RPS6KC1: variants seen among roughly 807,000 people sequenced by gnomAD.
RPS6KC1 encodes ribosomal protein S6 kinase C1, also known as inactive ribosomal protein S6 kinase delta-1.
In RPS6KC1, 54 loss-of-function variants were observed where a neutral mutation model predicts 103.8. The observed-to-expected ratio is 0.52, with a 90% CI of 0.42 to 0.65. The LOEUF (loss-of-function observed/expected upper bound fraction) is 0.65. RPS6KC1 is among the 30% of genes least tolerant of loss of function. RPS6KC1 has a pLI of 0.00. For synonymous variants in RPS6KC1, 439 were observed against 438.7 expected (o/e 1.00, Z -0.01); for missense variants, 1,151 against 1,253.8 (o/e 0.92, Z 1.24).
the RPS6KC1 span, among the ~76,000 whole-genome samples, chr1:213,374,999 A>G: frequency 1.3e-5 from 2 of 152,100 alleles, no homozygotes; most frequent in African/African-American, 4.8e-5. Context: ...ACATATACAC[A>G]CATACATACA....
the RPS6KC1 span, among the ~76,000 whole-genome samples, chr1:213,614,491 G>T: frequency 2.0e-5 from 3 of 152,210 alleles, no homozygotes; most frequent in African/African-American, 7.2e-5. Context: ...AACTCTGAGG[G>T]TCTCTTTGGC....
chr1:213,311,596 C>T, the RPS6KC1 span, among the ~76,000 whole-genome samples: 1 of 151,970 alleles, frequency 6.6e-6, no homozygotes, highest in African/African-American at 2.4e-5. Flanking sequence ...ACAAAGTCAG[C>T]CTTGGATTTC....
chr1:213,452,988 C>A, the RPS6KC1 span, among the ~76,000 whole-genome samples: 1 of 152,110 alleles, frequency 6.6e-6, no homozygotes, highest in East Asian at 1.9e-4. Flanking sequence ...TAGCACCCTG[C>A]TAACATGCTG....
At chr1:213,157,064 C>T (rs2089971930) in intron 6 of RPS6KC1, among the ~76,000 whole-genome samples, 4 of 152,150 alleles carry the variant, frequency 2.6e-5, no homozygotes, top group Admixed American at 2.6e-4. Flanking sequence ...CCTCTAAGCA[C>T]TGCTTCCACA....
chr1:213,223,332 C>G (rs1333348060), intron 8 of RPS6KC1, among the ~76,000 whole-genome samples: 3 of 152,056 alleles, frequency 2.0e-5, no homozygotes, highest in African/African-American at 7.3e-5. Flanking sequence ...TACACTGTAC[C>G]CAATACGTAG....
At chr1:213,473,557 T>C in the RPS6KC1 span, among the ~76,000 whole-genome samples, 1 of 152,152 alleles carries the variant, frequency 6.6e-6, no homozygotes, top group African/African-American at 2.4e-5. Context: ...TATCTGGAGA[T>C]GGGTATGGGA....
chr1:213,442,198 G>A, the RPS6KC1 span, among the ~76,000 whole-genome samples: 1 of 152,142 alleles, frequency 6.6e-6, no homozygotes, highest in African/African-American at 2.4e-5. Flanking sequence ...TGATTCCTAC[G>A]AGTGCCTCTC....
At chr1:213,815,052 T>A in the RPS6KC1 span, among the ~76,000 whole-genome samples, 1 of 152,088 alleles carries the variant, frequency 6.6e-6, no homozygotes, top group Non-Finnish European at 1.5e-5. Flanking sequence ...AGGGAGCCAT[T>A]GGGGGATGAT....
At chr1:213,685,178 AG>A in the RPS6KC1 span, among the ~76,000 whole-genome samples, 1 of 152,354 alleles carries the variant, frequency 6.6e-6, no homozygotes, top group Non-Finnish European at 1.5e-5. Flanking sequence ...TTTGAGGACA[AG>A]AACTGCGCTA....
the RPS6KC1 span, among the ~76,000 whole-genome samples, chr1:213,361,131 G>A: frequency 6.6e-5 from 10 of 152,358 alleles, no homozygotes; most frequent in Admixed American, 3.9e-4. Context: ...GCTGCCTTTT[G>A]TTCAGCTATG....
chr1:213,545,998 C>T, the RPS6KC1 span, among the ~76,000 whole-genome samples: 3 of 152,152 alleles, frequency 2.0e-5, no homozygotes, highest in Non-Finnish European at 4.4e-5. Flanking sequence ...AGGGCACTAG[C>T]TCCTTGATAC....
the RPS6KC1 span, among the ~76,000 whole-genome samples, chr1:213,328,543 A>ATATATATATAT: frequency 3.8e-4 from 34 of 88,656 alleles, no homozygotes; most frequent in Non-Finnish European, 6.0e-4. Flanking sequence ...TATATATATC[A>ATATATATATAT]CACACACACG....
chr1:213,448,225 C>CAAAAAAAAAAAAAAAAAAAAAAGA, the RPS6KC1 span, among the ~76,000 whole-genome samples: 1 of 75,820 alleles, frequency 1.3e-5, no homozygotes, highest in Non-Finnish European at 2.3e-5. Flanking sequence ...GTGAGACTGT[C>CAAAAAAAAAAAAAAAAAAAAAAGA]AAAAAAAAAA....
intron 8 of RPS6KC1, among the ~76,000 whole-genome samples, chr1:213,221,911 A>G (rs569247628): frequency 6.6e-6 from 1 of 152,330 alleles, no homozygotes; most frequent in East Asian, 1.9e-4. Context: ...ATCTTCATAT[A>G]ATTCTGGTAG....
intron 6 of RPS6KC1, among the ~76,000 whole-genome samples, chr1:213,153,243 GGGGAGAGGGAGA>G (rs374821575): frequency 7.3e-5 from 11 of 151,172 alleles, no homozygotes; most frequent in Middle Eastern, 3.4e-3. Flanking sequence ...GGGAGACCGT[GGGGAGAGGGAGA>G]GGGAGAGGGA....
At chr1:213,055,531 C>A (rs1408356953) in intron 1 of RPS6KC1, among the ~76,000 whole-genome samples, 1 of 152,178 alleles carries the variant, frequency 6.6e-6, no homozygotes, top group African/African-American at 2.4e-5. Context: ...TATGAACATT[C>A]ATATACAAGT....
the RPS6KC1 span, among the ~76,000 whole-genome samples, chr1:213,373,797 C>A: frequency 2.0e-4 from 30 of 152,252 alleles, no homozygotes; most frequent in Middle Eastern, 3.4e-3. Flanking sequence ...AAATATGTAT[C>A]TGGATCTTTA....
intron 2 of RPS6KC1, among the ~76,000 whole-genome samples, chr1:213,076,724 T>A (rs979975748): frequency 6.8e-4 from 103 of 152,324 alleles, no homozygotes; most frequent in African/African-American, 2.4e-3. Flanking sequence ...TTTTGTTTTT[T>A]AAAAATATAC....
the RPS6KC1 span, among the ~76,000 whole-genome samples, chr1:213,391,439 C>T: frequency 1.8e-4 from 27 of 152,192 alleles, no homozygotes; most frequent in East Asian, 4.3e-3. Context: ...GATGGAAGTC[C>T]GTGCATGTGG....
Sources: gnomAD v4.1 joint callset for allele counts (sites outside exome capture counted in the v4.1 genomes callset) on GRCh38, gnomAD v4.1.1 for gene constraint, MANE v1.5 for transcripts, NCBI Gene and HGNC (gene_info 2026-07-23, HGNC 2026-07-21) for gene names.